The following ZMIZ1 variants were observed in gnomAD, a reference collection of about 807,000 sequenced individuals.
ZMIZ1 encodes the protein zinc finger MIZ domain-containing protein 1.
In ZMIZ1, 17 loss-of-function variants were observed where a neutral mutation model predicts 113.9. That is an observed-to-expected ratio of 0.15 (90% CI 0.10 to 0.22). ZMIZ1 has a LOEUF of 0.22. ZMIZ1 is among the 10% of genes least tolerant of loss of function. The probability of loss-of-function intolerance (pLI) is 1.00; values close to 1 mark genes in which losing one functional copy is unlikely to be tolerated. For missense variants in ZMIZ1, 1,059 were observed against 1,477.8 expected, an observed-to-expected ratio of 0.72 and a Z score of 4.65; for synonymous variants, 607 against 603.1, an observed-to-expected ratio of 1.01 and a Z score of -0.09.
At chr10:79,123,567 T>G (rs1844389921) in intron 2 of ZMIZ1, among the ~76,000 whole-genome samples, 1 of 152,022 alleles carries the variant, frequency 6.6e-6, no homozygotes, top group African/African-American at 2.4e-5. Context: ...GCAGCATGGT[T>G]GTGCGGTCTT....
At chr10:79,308,757 A>G (rs1854905947) in intron 23 of ZMIZ1, among the ~76,000 whole-genome samples, 1 of 152,004 alleles carries the variant, frequency 6.6e-6, no homozygotes, top group African/African-American at 2.4e-5. Context: ...CTGGGCCCTG[A>G]GGGCATCCCA....
At chr10:79,184,733 A>G (rs1847278859) in intron 4 of ZMIZ1, among the ~76,000 whole-genome samples, 1 of 152,094 alleles carries the variant, frequency 6.6e-6, no homozygotes, top group Admixed American at 6.5e-5. Context: ...GAATGGAGGG[A>G]GAGATGAGTT....
At chr10:79,183,380 ACACG>A (rs768833701) in intron 4 of ZMIZ1, among the ~76,000 whole-genome samples, 20 of 147,262 alleles carry the variant, frequency 1.4e-4, no homozygotes, top group Admixed American at 3.4e-4. Context: ...ACACACACAC[ACACG>A]CACACACCCA....
chr10:79,214,045 T>A (rs1230128917), intron 6 of ZMIZ1, among the ~76,000 whole-genome samples: 1 of 152,188 alleles, frequency 6.6e-6, no homozygotes, highest in Non-Finnish European at 1.5e-5. Flanking sequence ...CCTGAAGTTC[T>A]ACAAAGAGGG....
chr10:79,154,045 C>T (rs910388519), intron 3 of ZMIZ1, among the ~76,000 whole-genome samples: 5 of 152,200 alleles, frequency 3.3e-5, no homozygotes, highest in Non-Finnish European at 5.9e-5. Context: ...AGTGCCACGA[C>T]CTTCCTGTGC....
chr10:79,197,119 G>A (rs1314055178), intron 4 of ZMIZ1, among the ~76,000 whole-genome samples: 8 of 152,256 alleles, frequency 5.3e-5, no homozygotes, highest in Admixed American at 6.5e-5. Flanking sequence ...AAGGCCTGCC[G>A]GGCATGAGGT....
chr10:79,312,603 G>A, intron 24 of ZMIZ1, 39 bp from the exon 25 acceptor site: 1 of 1,609,678 alleles, frequency 6.2e-7, no homozygotes. Context: ...TGCCTCTCAG[G>A]CACACCTCAT....
intron 1 of ZMIZ1, among the ~76,000 whole-genome samples, chr10:79,090,727 A>C (rs1842960494): frequency 6.6e-6 from 1 of 152,140 alleles, no homozygotes; most frequent in African/African-American, 2.4e-5. Context: ...ACAAAACCAG[A>C]GTGAAAAGAT....
In ZMIZ1 at chr10:79,316,174, T is replaced by C. The variant is rs1473076490; in HGVS notation, c.*3425T>C. ...CACAGGTGATTCACACGTACACACA[T>C]AAACACACCCACCAGTGCAGCCTGA... On this transcript the variant is annotated 3_prime_UTR_variant, in exon 25 of 25. Coordinates refer to ENST00000334512, the MANE Select transcript of ZMIZ1 (RefSeq NM_020338.4). 3 of 152,598 alleles carry C rather than the reference T, an allele frequency of 2.0e-5. No individual in the cohort carries two copies. Among genetic ancestry groups the C allele is most frequent in the East Asian group, 3.7e-4 (2 of 5,342 alleles). 9.5% of individuals were successfully genotyped at this position (152,598 alleles called of 1,614,324 possible).
intron 5 of ZMIZ1, among the ~76,000 whole-genome samples, chr10:79,206,984 C>G (rs578259520): frequency 6.6e-6 from 1 of 152,298 alleles, no homozygotes; most frequent in South Asian, 2.1e-4. Context: ...GAAATAAAAC[C>G]CCACCACCAA....
rs556885024 is a variant in ZMIZ1 at position 79,073,139 on chromosome 10, G to A, written c.-337+3869G>A. On this transcript the variant is annotated intron_variant, in intron 1 of 24. Coordinates refer to ENST00000334512, the MANE Select transcript of ZMIZ1 (RefSeq NM_020338.4). ...AGGACCAAGGTGTCAGGAGGCTGTT[G>A]CTTGCTATCTGTGTTGGGCCAGTAA... 2.0e-5 allele frequency among the ~76,000 whole-genome samples: 3 copies of A among 152,292 alleles called. No homozygotes were observed. In the South Asian group the frequency reaches 6.2e-4, roughly 32 times the overall value.
chr10:79,121,249 G>A (rs964883865), intron 2 of ZMIZ1, among the ~76,000 whole-genome samples: 3 of 152,192 alleles, frequency 2.0e-5, no homozygotes, highest in African/African-American at 7.2e-5. Flanking sequence ...GGCTCAGAGA[G>A]GGCAGGCCAC....
intron 1 of ZMIZ1, among the ~76,000 whole-genome samples, chr10:79,083,113 A>G (rs1044158208): frequency 1.3e-5 from 2 of 152,264 alleles, no homozygotes; most frequent in Admixed American, 1.3e-4. Flanking sequence ...CAGGTCAACA[A>G]CTTAATGCAT....
In ZMIZ1 at chr10:79,312,825, G is replaced by T; in HGVS notation, c.*76G>T. The T allele has an allele frequency of 1.4e-6, 2 of 1,467,310 alleles. No individual in the cohort carries two copies. The highest frequency in any genetic ancestry group is 1.7e-5 in the Admixed American group (1 of 58,426). 90.9% of individuals were successfully genotyped at this position (1,467,310 alleles called of 1,614,324 possible). A position where few individuals can be genotyped will look rare whatever the true frequency, so the allele number is the denominator to read the frequency against. ...ACCCAACACACTTTTCCACCTGGGA[G>T]CCTGTGCCCTCAGACCGCCCCGCAC... On this transcript the variant is annotated 3_prime_UTR_variant, in exon 25 of 25. Transcript: ENST00000334512.
intron 7 of ZMIZ1, among the ~76,000 whole-genome samples, chr10:79,257,769 G>C (rs2131890046): frequency 6.6e-6 from 1 of 152,326 alleles, no homozygotes; most frequent in South Asian, 2.1e-4. Context: ...CAGAGACCTG[G>C]ACTCAGGTTC....
At chr10:79,267,913 G>T (rs1410489579) in intron 7 of ZMIZ1, among the ~76,000 whole-genome samples, 2 of 152,052 alleles carry the variant, frequency 1.3e-5, no homozygotes, top group African/African-American at 4.8e-5. Context: ...GCACTCTCCC[G>T]CCCCTCCCAA....
intron 4 of ZMIZ1, among the ~76,000 whole-genome samples, chr10:79,195,750 G>A (rs7894320): frequency 0.07 from 10,649 of 152,278 alleles, 475 homozygotes; most frequent in Middle Eastern, 0.16. Context: ...AGTCACAGCC[G>A]GAGGTGGGGA....
chr10:79,311,471 G>A (rs774815814), intron 24 of ZMIZ1, among the ~76,000 whole-genome samples: 7 of 152,100 alleles, frequency 4.6e-5, no homozygotes, highest in Non-Finnish European at 8.8e-5. Context: ...GGTCCCTTGC[G>A]CAGCACAGGA....
chr10:79,096,761 G>C (rs1589266398), intron 1 of ZMIZ1, among the ~76,000 whole-genome samples: 2 of 152,314 alleles, frequency 1.3e-5, no homozygotes, highest in South Asian at 4.1e-4. Context: ...GGCCAGAACA[G>C]ATAAGATCCC....
Sources: allele counts gnomAD v4.1 joint callset (sites outside exome capture counted in the v4.1 genomes callset), GRCh38; gene constraint gnomAD v4.1.1; transcripts MANE v1.5; gene names NCBI Gene and HGNC (gene_info 2026-07-23, HGNC 2026-07-21).